MARK2: variants seen among roughly 807,000 people sequenced by gnomAD.
MARK2 encodes microtubule affinity regulating kinase 2.
In MARK2, 16 loss-of-function variants were observed where a neutral mutation model predicts 89.8. That is an observed-to-expected ratio of 0.18 (90% CI 0.12 to 0.27). The LOEUF (loss-of-function observed/expected upper bound fraction) is 0.27, where lower values mean the gene tolerates loss of function less well. Among genes scored for constraint, MARK2 ranks in the 10% least tolerant of loss-of-function variants. The pLI, the probability that MARK2 is intolerant of heterozygous loss-of-function variation, is 1.00. For missense variants in MARK2, 621 were observed against 1,049.9 expected, an observed-to-expected ratio of 0.59 and a Z score of 5.65; for synonymous variants, 382 against 399.5, an observed-to-expected ratio of 0.96 and a Z score of 0.52.
At chr11:63,877,390 C>T (rs916434782) in intron 1 of MARK2, among the ~76,000 whole-genome samples, 3 of 152,126 alleles carry the variant, frequency 2.0e-5, no homozygotes, top group Non-Finnish European at 2.9e-5. Context: ...GGATTACAGG[C>T]GTGAGCCACT....
chr11:63,899,387 G>A lies in MARK2; in HGVS notation c.531+279G>A, dbSNP rs141906011. Among the ~76,000 whole-genome samples the A allele has an allele frequency of 4.5e-4, 69 of 152,142 alleles. 1 individual carries two copies. In the East Asian group the frequency reaches 0.01, roughly 22 times the overall value. On this transcript the variant is annotated intron_variant, in intron 7 of 18. Coordinates refer to ENST00000402010, the MANE Select transcript of MARK2 (RefSeq NM_001039469.3). ...ACCTCTTGGCACATCACCTTTTAGT[G>A]CTGCCAAGCAAGGCAGGCACACTCC... is the stretch of plus-strand genomic sequence containing the variant.
At chr11:63,854,361 G>A (rs1394913894) in intron 1 of MARK2, among the ~76,000 whole-genome samples, 11 of 150,494 alleles carry the variant, frequency 7.3e-5, no homozygotes, top group Admixed American at 7.3e-4. Flanking sequence ...CACCACGCCT[G>A]GCTAGTTTTT....
chr11:63,881,396 CG>C (rs1939080466), intron 1 of MARK2, among the ~76,000 whole-genome samples: 1 of 152,130 alleles, frequency 6.6e-6, no homozygotes, highest in South Asian at 2.1e-4. Flanking sequence ...ACGAATGCCT[CG>C]AAAGAGGGGA....
At chr11:63,874,635 T>C (rs1042729087) in intron 1 of MARK2, among the ~76,000 whole-genome samples, 1 of 152,238 alleles carries the variant, frequency 6.6e-6, no homozygotes, top group Admixed American at 6.5e-5. Context: ...TATGCTGTGT[T>C]GCCAATGCTT....
chr11:63,848,855 C>T (rs902497250), intron 1 of MARK2, among the ~76,000 whole-genome samples: 3 of 151,974 alleles, frequency 2.0e-5, no homozygotes, highest in Admixed American at 1.3e-4. Context: ...GCCACCGTGC[C>T]CGGCTGTAAC....
At chr11:63,888,395 T>C (rs1939532797) in intron 1 of MARK2, 1 of 327,234 alleles carries the variant, frequency 3.1e-6, no homozygotes, top group East Asian at 1.7e-4. Context: ...TAGGGTTTTA[T>C]GACAGCCGTG....
At chr11:63,857,604 G>A (rs535198060) in intron 1 of MARK2, among the ~76,000 whole-genome samples, 1 of 152,296 alleles carries the variant, frequency 6.6e-6, no homozygotes, top group South Asian at 2.1e-4. Context: ...AGTCATTTAT[G>A]TTTACATGTA....
rs147425490 is a variant in MARK2 at position 63,901,422 on chromosome 11, G to GGTGTGTGTGTGTGTGTGTGT, written c.1101+367_1101+368insGTGTGTGTGTGTGTGTGTGT. Among the ~76,000 whole-genome samples, 274 of 139,686 alleles carry GGTGTGTGTGTGTGTGTGTGT rather than the reference G, an allele frequency of 2.0e-3. 1 individual carries two copies. The highest frequency in any genetic ancestry group is 3.3e-3 in the East Asian group (15 of 4,606). 91.6% of individuals were successfully genotyped at this position (139,686 alleles called of 152,430 possible). A position where few individuals can be genotyped will look rare whatever the true frequency, so the allele number is the denominator to read the frequency against. On this transcript the variant is annotated intron_variant, in intron 11 of 18. Transcript: ENST00000402010. ...TTGTATCTGGAAGTGTACATTTCTG[G>GGTGTGTGTGTGTGTGTGTGT]GTGTGTGTGTGTGTCTCTGTGTGTG...
intron 3 of MARK2, among the ~76,000 whole-genome samples, chr11:63,895,889 C>T (rs1385705179): frequency 1.3e-5 from 2 of 151,934 alleles, no homozygotes; most frequent in Non-Finnish European, 2.9e-5. Flanking sequence ...AGGCTGGTCT[C>T]GAACTCCTGA....
intron 1 of MARK2, among the ~76,000 whole-genome samples, chr11:63,848,473 C>A (rs1017058247): frequency 2.6e-5 from 4 of 152,042 alleles, no homozygotes; most frequent in Admixed American, 6.6e-5. Flanking sequence ...GCAACCTCCG[C>A]TTCCCAGGTT....
chr11:63,848,952 C>T (rs2016421070), intron 1 of MARK2, among the ~76,000 whole-genome samples: 1 of 152,030 alleles, frequency 6.6e-6, no homozygotes, highest in African/African-American at 2.4e-5. Context: ...CGTGATCCGC[C>T]CGCCTCGGCT....
chr11:63,895,138 A>G (rs1440432963), intron 1 of MARK2, 21 bp from the exon 2 acceptor site: 1 of 1,604,530 alleles, frequency 6.2e-7, no homozygotes, highest in Non-Finnish European at 8.5e-7. Flanking sequence ...ATGTAATGGT[A>G]TCTCTGTTTC....
At chr11:63,876,770 G>T (rs1938783853) in intron 1 of MARK2, among the ~76,000 whole-genome samples, 2 of 152,168 alleles carry the variant, frequency 1.3e-5, no homozygotes, top group African/African-American at 4.8e-5. Context: ...AGACTTGGCT[G>T]CTTGCCTCCT....
intron 1 of MARK2, among the ~76,000 whole-genome samples, chr11:63,851,150 G>A (rs2135210571): frequency 6.6e-6 from 1 of 152,332 alleles, no homozygotes. Flanking sequence ...CTGGGAATTT[G>A]CGGACTTTGA....
In MARK2 at chr11:63,877,100, CTTTTTTTTTT is replaced by C. The variant is rs757123411; in HGVS notation, c.55-18041_55-18032del. On this transcript the variant is annotated intron_variant, in intron 1 of 18. Transcript: ENST00000402010. ...TCTTAGAAACCAGTTCAATCAGACT[CTTTTTTTTTT>C]TTTTTTTTTTTTTTTTTGAGACGGA... Among the ~76,000 whole-genome samples, 206 of 79,528 alleles carry C rather than the reference CTTTTTTTTTT, an allele frequency of 2.6e-3. 1 individual carries two copies. Among genetic ancestry groups the C allele is most frequent in the African/African-American group, 9.4e-3 (198 of 20,960 alleles). The allele number at this position is 79,528 out of a possible 152,430, so 52.2% of individuals were successfully genotyped here. A position where few individuals can be genotyped will look rare whatever the true frequency, so the allele number is the denominator to read the frequency against.
chr11:63,901,216 G>A (rs1340290129), intron 11 of MARK2, 147 bp downstream of exon 11: 6 of 644,506 alleles, frequency 9.3e-6, no homozygotes, highest in African/African-American at 9.0e-5. Flanking sequence ...TGGTGTCTAA[G>A]GTCCTCTGGC....
Position 63,900,170 on chromosome 11 carries a change from C to A in MARK2, c.768+60C>A. 7.9e-7 allele frequency: 1 copy of A among 1,265,928 alleles called. No individual in the cohort carries two copies. Among genetic ancestry groups the A allele is most frequent in the Non-Finnish European group, 1.1e-6 (1 of 869,612 alleles). 78.4% of individuals were successfully genotyped at this position (1,265,928 alleles called of 1,614,324 possible). A position where few individuals can be genotyped will look rare whatever the true frequency, so the allele number is the denominator to read the frequency against. On this transcript the variant is annotated intron_variant, in intron 8 of 18. Coordinates refer to ENST00000402010, the MANE Select transcript of MARK2 (RefSeq NM_001039469.3). This position sits in a 1 kb window ranked among gnomAD's most constrained non-coding sequence, Gnocchi z 4.7. ...TTTCCTCTCGGCCTCTGGTCTTAGC[C>A]CTGACCTCCTGCCTTTGCCACCTGT... is the stretch of plus-strand genomic sequence containing the variant.
At chr11:63,889,094 G>A in intron 1 of MARK2, 1 of 616,206 alleles carries the variant, frequency 1.6e-6, no homozygotes, top group South Asian at 1.5e-5. Context: ...TTCATGGGAA[G>A]GGTGTCCAGA....
chr11:63,868,762 G>A (rs965557622), intron 1 of MARK2: 19 of 455,972 alleles, frequency 4.2e-5, no homozygotes, highest in African/African-American at 3.8e-4. Flanking sequence ...TGATGGGTGG[G>A]CAGAGGAACA....
Sources: allele counts gnomAD v4.1 joint callset (sites outside exome capture counted in the v4.1 genomes callset), GRCh38; gene constraint gnomAD v4.1.1; non-coding constraint Gnocchi (gnomAD v3.1); transcripts MANE v1.5; gene names NCBI Gene and HGNC (gene_info 2026-07-23, HGNC 2026-07-21).